MAP3K5: variants seen among roughly 807,000 people sequenced by gnomAD.
The protein encoded by MAP3K5 is mitogen-activated protein kinase kinase kinase 5, also known as ASK-1.
MAP3K5 carries 56 observed loss-of-function variants against 158.7 expected under a neutral mutation model. The ratio of observed to expected loss-of-function variants is 0.35; its 90% CI spans 0.28 to 0.44. The LOEUF is 0.44. Among genes scored for constraint, MAP3K5 ranks in the 20% least tolerant of loss-of-function variants. MAP3K5 has a pLI of 1.00. For synonymous variants in MAP3K5, 579 were observed against 601.7 expected (o/e 0.96, Z 0.55); for missense variants, 1,294 against 1,674.8 (o/e 0.77, Z 3.97).
chr6:136,791,788 C>T lies in MAP3K5; in HGVS notation c.370G>A (p.Gly124Ser). Residue 124 changes from glycine (G) to serine (S), a missense_variant, in exon 1 of 30, where the codon GGC becomes AGC. By Grantham distance (56) the Gly-to-Ser change is moderately conservative. This residue lies in a region of MAP3K5 where 690 missense variants were observed against 870.5 expected (regional missense o/e 0.79). Transcript: ENST00000359015. ...QSLREACETV[G>S]ATLETLHFGK... Reference sequence around the variant, plus strand: ...AAATGCAGGGTTTCCAGGGTGGCGCCCACTGTCTCGCACGCCTCCCGCAAG... The same window carrying T: ...AAATGCAGGGTTTCCAGGGTGGCGCTCACTGTCTCGCACGCCTCCCGCAAG... The T allele has an allele frequency of 1.2e-6, 2 of 1,613,662 alleles. No homozygotes were observed. Among genetic ancestry groups the T allele is most frequent in the Non-Finnish European group, 1.7e-6 (2 of 1,180,022 alleles).
At chr6:136,582,575 A>G (rs772211761) in intron 24 of MAP3K5, among the ~76,000 whole-genome samples, 1 of 152,228 alleles carries the variant, frequency 6.6e-6, no homozygotes, top group Non-Finnish European at 1.5e-5. Context: ...CCTGCCCACA[A>G]TATAGCATAA....
At chr6:136,621,910 C>T (rs1000876091) in intron 15 of MAP3K5, among the ~76,000 whole-genome samples, 4 of 152,002 alleles carry the variant, frequency 2.6e-5, no homozygotes, top group Non-Finnish European at 5.9e-5. Flanking sequence ...CACGGTGAAA[C>T]CGCGTCTCTA....
At chr6:136,756,237 A>G (rs9385774) in intron 1 of MAP3K5, among the ~76,000 whole-genome samples, 55,629 of 151,540 alleles carry the variant, frequency 0.37, 12,102 homozygotes, top group Middle Eastern at 0.49. Context: ...AGGATCACTT[A>G]AGCCTGGTAG....
In MAP3K5 at chr6:136,598,874, A is replaced by G. The variant is rs1168867008; in HGVS notation, c.2878+2148T>C. 2.0e-5 allele frequency among the ~76,000 whole-genome samples: 3 copies of G among 152,248 alleles called. No homozygotes were observed. In the East Asian group the frequency reaches 5.8e-4, roughly 29 times the overall value. On this transcript the variant is annotated intron_variant, in intron 21 of 29. Coordinates refer to ENST00000359015, the MANE Select transcript of MAP3K5 (RefSeq NM_005923.4). The stretch of plus-strand genomic sequence containing the variant: ...CAGGCCATTTCCTATAATACCTGGG[A>G]ACAATCAAATGGGATTTTAGGCAAG...
chr6:136,732,018 G>A (rs1582602668), intron 1 of MAP3K5, among the ~76,000 whole-genome samples: 1 of 152,290 alleles, frequency 6.6e-6, no homozygotes, highest in Middle Eastern at 3.4e-3. Context: ...GATTTTAAAG[G>A]GAGTGCTAAT....
intron 25 of MAP3K5, among the ~76,000 whole-genome samples, chr6:136,578,937 G>A (rs972882343): frequency 3.3e-5 from 5 of 151,704 alleles, no homozygotes; most frequent in African/African-American, 1.2e-4. Context: ...TTGGGAGGCC[G>A]AGGCGGGAGG....
chr6:136,728,794 T>C (rs1045299308), intron 1 of MAP3K5, among the ~76,000 whole-genome samples: 7 of 152,236 alleles, frequency 4.6e-5, no homozygotes, highest in Non-Finnish European at 1.0e-4. Context: ...AGTGTTTTGC[T>C]GGCTTTCTGT....
intron 26 of MAP3K5, among the ~76,000 whole-genome samples, chr6:136,565,054 T>A (rs1774038382): frequency 6.6e-6 from 1 of 152,218 alleles, no homozygotes; most frequent in Non-Finnish European, 1.5e-5. Context: ...TCACAAACTA[T>A]TTTTTTCTTT....
chr6:136,664,679 G>A (rs1779151712), intron 8 of MAP3K5, among the ~76,000 whole-genome samples: 1 of 152,154 alleles, frequency 6.6e-6, no homozygotes, highest in Non-Finnish European at 1.5e-5. Flanking sequence ...ACACTCGGCC[G>A]GATGTGGTGG....
intron 1 of MAP3K5, among the ~76,000 whole-genome samples, chr6:136,748,743 T>C (rs1270669964): frequency 6.6e-6 from 1 of 152,248 alleles, no homozygotes; most frequent in Non-Finnish European, 1.5e-5. Flanking sequence ...TTGAAGTACA[T>C]GTTTTGTAGA....
intron 15 of MAP3K5, among the ~76,000 whole-genome samples, chr6:136,617,531 A>C (rs1015062659): frequency 8.5e-5 from 13 of 152,174 alleles, no homozygotes; most frequent in African/African-American, 3.1e-4. Flanking sequence ...GAGGGCTTCT[A>C]ATTGTCCAGG....
At chr6:136,652,511 A>G (rs1377542312) in intron 10 of MAP3K5, among the ~76,000 whole-genome samples, 1 of 152,198 alleles carries the variant, frequency 6.6e-6, no homozygotes, top group African/African-American at 2.4e-5. Context: ...TCCCATCTAA[A>G]CTTTGCAGAA....
At chr6:136,727,417 T>C (rs756702399) in intron 1 of MAP3K5, among the ~76,000 whole-genome samples, 28 of 152,194 alleles carry the variant, frequency 1.8e-4, no homozygotes, top group Non-Finnish European at 4.0e-4. Context: ...CTAGAAAGTG[T>C]TGCCACCAGA....
At chr6:136,696,173 G>T in intron 5 of MAP3K5, 116 bp from the exon 6 acceptor site, 1 of 596,264 alleles carries the variant, frequency 1.7e-6, no homozygotes, top group Non-Finnish European at 3.0e-6. Flanking sequence ...AAAGACACTA[G>T]AATCCACAGA....
At chr6:136,615,335 G>A (rs1054455327) in intron 15 of MAP3K5, among the ~76,000 whole-genome samples, 1 of 152,208 alleles carries the variant, frequency 6.6e-6, no homozygotes, top group Non-Finnish European at 1.5e-5. Context: ...AGTGGTTAAC[G>A]TTAGGTTAGT....
intron 29 of MAP3K5, among the ~76,000 whole-genome samples, chr6:136,558,506 T>G (rs2129067042): frequency 6.6e-6 from 1 of 152,298 alleles, no homozygotes; most frequent in Non-Finnish European, 1.5e-5. Context: ...CATCATGAAC[T>G]CAATTAAAGC....
intron 25 of MAP3K5, among the ~76,000 whole-genome samples, chr6:136,573,397 G>A (rs1774457973): frequency 6.6e-6 from 1 of 152,178 alleles, no homozygotes; most frequent in Admixed American, 6.5e-5. Context: ...GTTTACTGAT[G>A]TTATATGGTA....
chr6:136,610,259 A>G (rs1001205277), intron 18 of MAP3K5, among the ~76,000 whole-genome samples: 1 of 152,050 alleles, frequency 6.6e-6, no homozygotes, highest in Non-Finnish European at 1.5e-5. Flanking sequence ...CACCCTCCCT[A>G]TAACTGTTGG....
intron 16 of MAP3K5, 70 bp downstream of exon 16, chr6:136,614,089 T>A: frequency 6.5e-7 from 1 of 1,539,264 alleles, no homozygotes; most frequent in Non-Finnish European, 8.8e-7. Context: ...CGCTAGTAAA[T>A]CCCATTCAAT....
Sources: allele counts gnomAD v4.1 joint callset (sites outside exome capture counted in the v4.1 genomes callset), GRCh38; gene constraint gnomAD v4.1.1; regional missense constraint gnomAD v4.1.1; transcripts MANE v1.5; gene names NCBI Gene and HGNC (gene_info 2026-07-23, HGNC 2026-07-21).